IL31RA: variants seen among roughly 807,000 people sequenced by gnomAD.
The protein encoded by IL31RA is interleukin-31 receptor subunit alpha.
In IL31RA, 66 loss-of-function variants were observed where a neutral mutation model predicts 83.7. That is an observed-to-expected ratio of 0.79 (90% CI 0.65 to 0.97). The LOEUF is 0.97. Ranked by LOEUF, IL31RA falls within the 50% of genes least tolerant of loss-of-function variation. The pLI, the probability that IL31RA is intolerant of heterozygous loss-of-function variation, is 0.00. For synonymous variants in IL31RA, 325 were observed against 329.0 expected, an observed-to-expected ratio of 0.99 and a Z score of 0.13; for missense variants, 798 against 919.4, an observed-to-expected ratio of 0.87 and a Z score of 1.71.
intron 6 of IL31RA, among the ~76,000 whole-genome samples, chr5:55,892,258 A>G (rs1019816639): frequency 1.3e-5 from 2 of 152,306 alleles, no homozygotes; most frequent in Middle Eastern, 3.4e-3. Context: ...TGAGTTTTAG[A>G]ATATGAACTC....
intron 4 of IL31RA, among the ~76,000 whole-genome samples, chr5:55,881,716 ATTTTTTTTTTT>A (rs34217814): frequency 1.7e-4 from 10 of 59,650 alleles, no homozygotes; most frequent in Admixed American, 8.8e-4. Context: ...AGTTCCTGAG[ATTTTTTTTTTT>A]TTTTTTTTTT....
rs1399555590 is a variant in IL31RA at position 55,921,634 on chromosome 5, A to C, written c.*4514A>C. On this transcript the variant is annotated 3_prime_UTR_variant, in exon 15 of 15. Coordinates refer to ENST00000652347, the MANE Select transcript of IL31RA (RefSeq NM_139017.7). The stretch of plus-strand genomic sequence containing the variant: ...TCTGACGGATCCTTTGTCCTTTTCC[A>C]CTGAGAATCAGCTGTCTACCACTGT... Among the ~76,000 whole-genome samples, 3 of 152,156 alleles carry C rather than the reference A, an allele frequency of 2.0e-5. No homozygotes were observed. The highest frequency in any genetic ancestry group is 4.8e-5 in the African/African-American group (2 of 41,412).
upstream of IL31RA, among the ~76,000 whole-genome samples, chr5:55,847,168 G>C (rs1244248079): frequency 6.8e-6 from 1 of 147,352 alleles, no homozygotes; most frequent in Non-Finnish European, 1.5e-5. Flanking sequence ...ACTTGAACCC[G>C]GGAGGTGGAG....
chr5:55,908,214 T>G, intron 10 of IL31RA, 51 bp from the exon 11 acceptor site: 1 of 1,611,620 alleles, frequency 6.2e-7, no homozygotes, highest in Non-Finnish European at 8.5e-7. Flanking sequence ...GGGGGAACGA[T>G]CTCCTGGAGT....
chr5:55,879,489 G>A (rs1454594864), intron 4 of IL31RA, among the ~76,000 whole-genome samples: 2 of 120,116 alleles, frequency 1.7e-5, no homozygotes. Context: ...CTGGAGTGCT[G>A]TGGCGCGATC....
chr5:55,898,565 TA>T lies in IL31RA; in HGVS notation c.853-1350del, dbSNP rs568350525. On this transcript the variant is annotated intron_variant, in intron 7 of 14. Transcript: ENST00000652347. ...AAAGTTATTTAAAATGTTAATATGTTATTTTAAAAAGATTTTAAATAACATA... is the reference window on the plus strand; with the variant it reads ...AAAGTTATTTAAAATGTTAATATGTTTTTTAAAAAGATTTTAAATAACATA... 9.3e-3 allele frequency among the ~76,000 whole-genome samples: 1,395 copies of T among 150,730 alleles called. 30 individuals are homozygous for T. The highest frequency in any genetic ancestry group is 0.031 in the African/African-American group (1,248 of 40,908).
At chr5:55,850,964 C>A (rs1032106105), upstream of IL31RA, among the ~76,000 whole-genome samples, 2 of 152,078 alleles carry the variant, frequency 1.3e-5, no homozygotes, top group African/African-American at 4.8e-5. Context: ...GTGGCGCATG[C>A]CTGTAATCCC....
chr5:55,908,700 C>G, intron 11 of IL31RA: 3 of 1,463,542 alleles, frequency 2.0e-6, no homozygotes, highest in Non-Finnish European at 2.7e-6. Context: ...CCGGGAGCTC[C>G]CCGACCATCA....
rs34217814 is a variant in IL31RA at position 55,881,716 on chromosome 5, ATTTTT to A, written c.455-1303_455-1299del. 6.6e-3 allele frequency among the ~76,000 whole-genome samples: 393 copies of A among 59,614 alleles called. 7 individuals carry two copies. The highest frequency in any genetic ancestry group is 0.028 in the African/African-American group (381 of 13,632). The allele number at this position is 59,614 out of a possible 152,430, so 39.1% of individuals were successfully genotyped here. A position where few individuals can be genotyped will look rare whatever the true frequency, so the allele number is the denominator to read the frequency against. ...TGAGCCCACTCGCCCAGTTCCTGAG[ATTTTT>A]TTTTTTTTTTTTTTTTTTTTTTTTG... On this transcript the variant is annotated intron_variant, in intron 4 of 14. Transcript: ENST00000652347.
intron 4 of IL31RA, among the ~76,000 whole-genome samples, chr5:55,876,328 C>T (rs957697046): frequency 6.6e-6 from 1 of 152,160 alleles, no homozygotes; most frequent in African/African-American, 2.4e-5. Context: ...ATCACTTGCA[C>T]TCGGGAAGCA....
At chr5:55,867,289 GCA>G (rs761754883) in intron 2 of IL31RA, among the ~76,000 whole-genome samples, 7,112 of 105,840 alleles carry the variant, frequency 0.067, 617 homozygotes, top group African/African-American at 0.17. Flanking sequence ...ATGTGTGTGT[GCA>G]TGTGTGTGTG....
chr5:55,879,297 A>G (rs1021050336), intron 4 of IL31RA, among the ~76,000 whole-genome samples: 2 of 152,102 alleles, frequency 1.3e-5, no homozygotes, highest in African/African-American at 4.8e-5. Flanking sequence ...AAGGGCAAGT[A>G]AGACAGCCAC....
At chr5:55,899,013 G>C (rs932770197) in intron 7 of IL31RA, among the ~76,000 whole-genome samples, 3 of 152,058 alleles carry the variant, frequency 2.0e-5, no homozygotes, top group Admixed American at 6.5e-5. Flanking sequence ...GACAGAGAGA[G>C]ACTCTGTCTC....
intron 5 of IL31RA, among the ~76,000 whole-genome samples, chr5:55,888,791 G>A (rs1010915239): frequency 9.2e-5 from 14 of 152,138 alleles, no homozygotes; most frequent in Non-Finnish European, 1.6e-4. Context: ...CTGGGATTTA[G>A]CCCCCAAAGT....
At position 55,865,975 on chromosome 5, in the gene IL31RA, C is replaced by T. The variant is rs565767279; in HGVS notation, c.155-2816C>T. ...CTGAACTGTCTGGTGTGGTCTGATC[C>T]CCCTCTGCCATCTGCCATGGGGCAG... On this transcript the variant is annotated intron_variant, in intron 2 of 14. Coordinates refer to ENST00000652347, the MANE Select transcript of IL31RA (RefSeq NM_139017.7). 1.3e-3 allele frequency among the ~76,000 whole-genome samples: 194 copies of T among 152,210 alleles called. 1 individual carries two copies. The highest frequency in any genetic ancestry group is 4.6e-3 in the African/African-American group (189 of 41,526).
intron 8 of IL31RA, among the ~76,000 whole-genome samples, chr5:55,901,478 G>A (rs1371409767): frequency 6.6e-6 from 1 of 152,016 alleles, no homozygotes; most frequent in African/African-American, 2.4e-5. Context: ...TTAGCTACTC[G>A]TAAAATGGAG....
intron 6 of IL31RA, among the ~76,000 whole-genome samples, chr5:55,890,399 T>G (rs542588250): frequency 6.6e-6 from 1 of 152,356 alleles, no homozygotes; most frequent in South Asian, 2.1e-4. Context: ...AGATGGAGTC[T>G]TACTCTGTCA....
chr5:55,898,537 A>T (rs1148040), intron 7 of IL31RA, among the ~76,000 whole-genome samples: 128,118 of 147,704 alleles, frequency 0.87, 55,862 homozygotes, highest in African/African-American at 0.97. Context: ...AATGTTATTT[A>T]AAAAAGTTAT....
chr5:55,850,612 C>T (rs1021812944), upstream of IL31RA, among the ~76,000 whole-genome samples: 1 of 152,036 alleles, frequency 6.6e-6, no homozygotes, highest in Non-Finnish European at 1.5e-5. Context: ...GTTTTTTCCC[C>T]CCATCTGCTG....
Sources: gnomAD v4.1 joint callset for allele counts (sites outside exome capture counted in the v4.1 genomes callset) on GRCh38, gnomAD v4.1.1 for gene constraint, MANE v1.5 for transcripts, NCBI Gene and HGNC (gene_info 2026-07-23, HGNC 2026-07-21) for gene names.